The following STRN variants were observed in gnomAD, a reference collection of about 807,000 sequenced individuals.
STRN encodes the protein striatin, also known as protein phosphatase 2 regulatory subunit B'''alpha.
In STRN, 53 loss-of-function variants were observed where a neutral mutation model predicts 96.3. The ratio of observed to expected loss-of-function variants is 0.55; its 90% CI spans 0.44 to 0.69. The LOEUF (loss-of-function observed/expected upper bound fraction) is 0.69. Among genes scored for constraint, STRN ranks in the 30% least tolerant of loss-of-function variants. The pLI is 0.00. For missense variants in STRN, 987 were observed against 963.9 expected (o/e 1.02, Z -0.32); for synonymous variants, 428 against 355.9 (o/e 1.20, Z -2.28).
chr2:36,838,504 C>T lies in STRN; in HGVS notation c.*10952G>A, dbSNP rs1365512301. On this transcript the variant is annotated 3_prime_UTR_variant, in exon 18 of 18. Coordinates refer to ENST00000263918, the MANE Select transcript of STRN (RefSeq NM_003162.4). ...GTCAGGAAAATGGAAATTAAAATAA[C>T]ACTGAAAAATCACTACATCCACCAG... Among the ~76,000 whole-genome samples, 2 of 152,116 alleles carry T rather than the reference C, an allele frequency of 1.3e-5. No homozygotes were observed. Among genetic ancestry groups the T allele is most frequent in the African/African-American group, 4.8e-5 (2 of 41,430 alleles).
At chr2:36,953,130 G>T (rs949542014) in intron 1 of STRN, among the ~76,000 whole-genome samples, 1 of 152,026 alleles carries the variant, frequency 6.6e-6, no homozygotes, top group African/African-American at 2.4e-5. Context: ...ACATTCCCCC[G>T]GCCCTTTCCT....
chr2:36,876,300 A>C (rs1668909670), intron 10 of STRN, among the ~76,000 whole-genome samples: 1 of 151,564 alleles, frequency 6.6e-6, no homozygotes, highest in South Asian at 2.1e-4. Context: ...TTTTTTGTAA[A>C]TCTGTATCAT....
intron 5 of STRN, among the ~76,000 whole-genome samples, chr2:36,900,817 C>T (rs1445831488): frequency 1.3e-5 from 2 of 151,986 alleles, no homozygotes; most frequent in South Asian, 4.2e-4. Flanking sequence ...CGCTTGAACC[C>T]GGGAGGCAGA....
rs1389878681 is a variant in STRN, at chr2:36,925,152, A to G, written c.291T>C (p.Asp97=). 1.2e-6 allele frequency: 2 copies of G among 1,613,912 alleles called. No individual in the cohort carries two copies. The change falls in exon 2 of 18, where the codon GAT becomes GAC. Residue 97 remains aspartate (D), a synonymous_variant. Coordinates refer to ENST00000263918, the MANE Select transcript of STRN (RefSeq NM_003162.4). ...ERKGQENLKK[D]LVRRIKMLEY... is the part of the protein sequence containing the mutation. ...CCAACATTTTGATCCTCCTCACAAG[A>G]TCCTTCTTCAAATTTTCTTGGCCCT...
chr2:36,928,883 G>A (rs1024743729), intron 1 of STRN, among the ~76,000 whole-genome samples: 6 of 150,940 alleles, frequency 4.0e-5, no homozygotes, highest in African/African-American at 9.8e-5. Context: ...AGGAGGCAGA[G>A]GCTGCAGTGA....
chr2:36,915,686 G>A (rs1670078239), intron 3 of STRN, among the ~76,000 whole-genome samples: 1 of 152,276 alleles, frequency 6.6e-6, no homozygotes, highest in South Asian at 2.1e-4. Flanking sequence ...GCTTTAAGAA[G>A]AAATCTCTTA....
chr2:36,933,961 AAT>A (rs1275869017), intron 1 of STRN, among the ~76,000 whole-genome samples: 1 of 151,978 alleles, frequency 6.6e-6, no homozygotes, highest in East Asian at 1.9e-4. Flanking sequence ...AATACAAAAA[AAT>A]TACCCGGGTG....
At chr2:36,901,377 C>T (rs914433347) in intron 5 of STRN, among the ~76,000 whole-genome samples, 7 of 151,882 alleles carry the variant, frequency 4.6e-5, no homozygotes, top group South Asian at 4.1e-4. Flanking sequence ...ATGGTGAAAC[C>T]GCATCTCTAC....
At position 36,843,210 on chromosome 2, in the gene STRN, G is replaced by A. The variant is rs6736197; in HGVS notation, c.*6246C>T. 5.6e-3 allele frequency among the ~76,000 whole-genome samples: 859 copies of A among 152,180 alleles called. 8 individuals are homozygous for A. Among genetic ancestry groups the A allele is most frequent in the African/African-American group, 0.02 (828 of 41,526 alleles). On this transcript the variant is annotated 3_prime_UTR_variant, in exon 18 of 18. Transcript: ENST00000263918. The stretch of plus-strand genomic sequence containing the variant: ...GGATATAATACTCATTAGTATACCA[G>A]CATACAGAACACCAAACAATGGTGG...
intron 6 of STRN, among the ~76,000 whole-genome samples, chr2:36,897,612 T>C (rs2691112): frequency 0.41 from 62,226 of 151,158 alleles, 15,013 homozygotes; most frequent in Admixed American, 0.54. Flanking sequence ...ATTTTTTTTG[T>C]ATTTTTAGTA....
At chr2:36,886,988 A>C (rs1227232690) in intron 7 of STRN, among the ~76,000 whole-genome samples, 162 bp from the exon 8 acceptor site, 1 of 152,034 alleles carries the variant, frequency 6.6e-6, no homozygotes, top group Admixed American at 6.6e-5. Flanking sequence ...AAAAAAATAT[A>C]ATCACTAAGA....
intron 1 of STRN, among the ~76,000 whole-genome samples, chr2:36,960,125 G>A (rs971177632): frequency 1.3e-5 from 2 of 152,154 alleles, no homozygotes; most frequent in African/African-American, 4.8e-5. Flanking sequence ...ACATGTAAAG[G>A]AAGTGGCTTA....
chr2:36,873,190 T>G (rs984768099), intron 10 of STRN, among the ~76,000 whole-genome samples: 3 of 152,222 alleles, frequency 2.0e-5, no homozygotes, highest in Non-Finnish European at 4.4e-5. Flanking sequence ...CGATCCCAGA[T>G]CCCAGAGCCA....
In STRN at chr2:36,894,015, A is replaced by G. The variant is rs1421413297; in HGVS notation, c.814T>C (p.Leu272=). ...DTSTIVRKKA[L]PDSGEDRDTK... The stretch of plus-strand genomic sequence containing the variant: ...TCTCGATCTTCACCGCTGTCAGGCA[A>G]TGCTTTTTTCCTAACAATCTAATGA... Residue 272 remains leucine, a synonymous_variant, in exon 7 of 18, where the codon TTG becomes CTG. Coordinates refer to ENST00000263918, the MANE Select transcript of STRN (RefSeq NM_003162.4). The G allele has an allele frequency of 2.5e-6, 4 of 1,612,720 alleles. No homozygotes were observed. The Admixed American group carries it at 5.0e-5, about 20-fold the overall frequency.
At chr2:36,875,572 C>A (rs60594233) in intron 10 of STRN, among the ~76,000 whole-genome samples, 1 of 141,732 alleles carries the variant, frequency 7.1e-6, no homozygotes. Context: ...TCAAAAATTA[C>A]CAAAAAAAAA....
intron 16 of STRN, 143 bp from the exon 17 acceptor site, chr2:36,849,943 C>T (rs1668178948): frequency 1.3e-6 from 1 of 754,628 alleles, no homozygotes; most frequent in South Asian, 1.8e-5. Context: ...CCTAAAACAA[C>T]ATGTCTCCCT....
intron 2 of STRN, among the ~76,000 whole-genome samples, chr2:36,921,794 T>C (rs1269113007): frequency 6.6e-6 from 1 of 152,162 alleles, no homozygotes; most frequent in Non-Finnish European, 1.5e-5. Context: ...ATCTTTCCAG[T>C]CCACCCCCAC....
rs1366718767 is a variant in STRN, at chr2:36,840,822, A to G, written c.*8634T>C. The G allele has an allele frequency of 6.6e-6, 1 of 152,078 alleles. No homozygotes were observed. The highest frequency in any genetic ancestry group is 2.4e-5 in the African/African-American group (1 of 41,400). 9.4% of individuals were successfully genotyped at this position (152,078 alleles called of 1,614,324 possible). On this transcript the variant is annotated 3_prime_UTR_variant, in exon 18 of 18. Transcript: ENST00000263918. ...TAAGGGAGAGAATCAAGATATTCAGAAAAAAAATCTCATTACCTGCTCCTC... is the reference window on the plus strand; with the variant it reads ...TAAGGGAGAGAATCAAGATATTCAGGAAAAAAATCTCATTACCTGCTCCTC...
chr2:36,960,800 T>G (rs1231500727), intron 1 of STRN, among the ~76,000 whole-genome samples: 1 of 152,236 alleles, frequency 6.6e-6, no homozygotes, highest in Non-Finnish European at 1.5e-5. Flanking sequence ...TCATTTTAAG[T>G]ATTTATGTTT....
Sources: gnomAD v4.1 joint callset for allele counts (sites outside exome capture counted in the v4.1 genomes callset) on GRCh38, gnomAD v4.1.1 for gene constraint, MANE v1.5 for transcripts, NCBI Gene and HGNC (gene_info 2026-07-23, HGNC 2026-07-21) for gene names.